TSPEAR: variants seen among roughly 807,000 people sequenced by gnomAD.
TSPEAR encodes the protein thrombospondin-type laminin G domain and EAR repeat-containing protein.
Under a neutral mutation model 71.6 loss-of-function variants are expected in TSPEAR, and 69 were observed. The ratio of observed to expected loss-of-function variants is 0.96; its 90% confidence interval spans 0.79 to 1.18. The LOEUF (loss-of-function observed/expected upper bound fraction) is 1.18. TSPEAR is among the 50% of genes most tolerant of loss of function. The pLI, the probability that TSPEAR is intolerant of heterozygous loss-of-function variation, is 0.00. For missense variants in TSPEAR, 971 were observed against 894.9 expected, an observed-to-expected ratio of 1.09 and a Z score of -1.09; for synonymous variants, 402 against 387.2, an observed-to-expected ratio of 1.04 and a Z score of -0.45.
intron 1 of TSPEAR, among the ~76,000 whole-genome samples, chr21:44,653,534 T>C (rs1601533499): frequency 6.6e-6 from 1 of 152,262 alleles, no homozygotes; most frequent in Non-Finnish European, 1.5e-5. Context: ...AAGCTTTTTT[T>C]ATCAACACCA....
chr21:44,677,317 T>A lies in TSPEAR; in HGVS notation c.82+34116A>T, dbSNP rs1986362625. ...TGCACTGTGTGCCACTTAGCAGACT[T>A]CTTCTTGCCCTCAATCTCAGAATTG... On this transcript the variant is annotated intron_variant, in intron 1 of 11. Transcript: ENST00000323084. 3.7e-6 allele frequency: 4 copies of A among 1,082,702 alleles called. No homozygotes were observed. In the Admixed American group the frequency reaches 5.7e-5, roughly 15 times the overall value. The allele number at this position is 1,082,702 out of a possible 1,614,324, so 67.1% of individuals were successfully genotyped here.
intron 2 of TSPEAR, chr21:44,558,786 T>G (rs587689693): frequency 2.0e-6 from 3 of 1,530,702 alleles, no homozygotes; most frequent in East Asian, 2.3e-5. Flanking sequence ...AGGGAGTGAG[T>G]GAGTGATCGT....
At chr21:44,596,999 T>C (rs1227088513) in intron 1 of TSPEAR, among the ~76,000 whole-genome samples, 1 of 152,196 alleles carries the variant, frequency 6.6e-6, no homozygotes, top group Non-Finnish European at 1.5e-5. Flanking sequence ...ATTAGTTTTA[T>C]CGGTTTTTTA....
intron 2 of TSPEAR, among the ~76,000 whole-genome samples, chr21:44,540,653 A>G (rs1372236114): frequency 1.3e-5 from 2 of 152,242 alleles, no homozygotes; most frequent in African/African-American, 4.8e-5. Flanking sequence ...TCACTGGAGC[A>G]GCCGGAGAGA....
At chr21:44,529,717 G>A in intron 5 of TSPEAR, 81 bp downstream of exon 5, 2 of 1,518,158 alleles carry the variant, frequency 1.3e-6, no homozygotes, top group Non-Finnish European at 1.8e-6. Flanking sequence ...GCTGAGAGCT[G>A]AGCCCTGAGT....
rs587698226 is a variant in TSPEAR, at chr21:44,569,990, C to G, written c.83-1985G>C. ...GGAAAGAATGGGTCTCTAAGTAAAC[C>G]CCATGCACCCTACTGCCCCTCCCCC... On this transcript the variant is annotated intron_variant, in intron 1 of 11. Transcript: ENST00000323084. 8.1e-4 allele frequency among the ~76,000 whole-genome samples: 124 copies of G among 152,194 alleles called. 1 individual carries two copies. The Middle Eastern group carries it at 0.014, about 17-fold the overall frequency.
intron 2 of TSPEAR, 23 bp from the exon 3 acceptor site, chr21:44,533,946 A>C (rs781903500): frequency 3.0e-6 from 4 of 1,329,232 alleles, no homozygotes; most frequent in Admixed American, 1.8e-5. Flanking sequence ...GGCCAGGCTC[A>C]GGACGGGGCT....
In TSPEAR at chr21:44,710,228, C is replaced by T. The variant is rs1327340183; in HGVS notation, c.82+1205G>A. ...GCTGACTTGGCTCTCGTATTGTTTG[C>T]AGAATCACCCAGTTCCAAGGCAGTC... On this transcript the variant is annotated intron_variant, in intron 1 of 11. Coordinates refer to ENST00000323084, the MANE Select transcript of TSPEAR (RefSeq NM_144991.3). This position sits in a 1 kb window ranked among gnomAD's most constrained non-coding sequence, Gnocchi z 4.6. Among the ~76,000 whole-genome samples, 7 of 152,206 alleles carry T rather than the reference C, an allele frequency of 4.6e-5. No homozygotes were observed. The highest frequency in any genetic ancestry group is 1.7e-4 in the African/African-American group (7 of 41,454).
intron 1 of TSPEAR, among the ~76,000 whole-genome samples, chr21:44,657,212 A>G (rs1985202877): frequency 6.6e-6 from 1 of 152,074 alleles, no homozygotes; most frequent in Non-Finnish European, 1.5e-5. Context: ...TCATGCATTC[A>G]TTTCTTCCTT....
chr21:44,671,083 A>C lies in TSPEAR; in HGVS notation c.82+40350T>G, dbSNP rs587764798. On this transcript the variant is annotated intron_variant, in intron 1 of 11. Coordinates refer to ENST00000323084, the MANE Select transcript of TSPEAR (RefSeq NM_144991.3). ...TCTGGGGGCCTGGTGGTCCCCCCCA[A>C]CCCATTCTACCAATGCCAGCCATCT... is the stretch of plus-strand genomic sequence containing the variant. 8.3e-4 allele frequency among the ~76,000 whole-genome samples: 127 copies of C among 152,106 alleles called. 2 individuals are homozygous for C. In the South Asian group the frequency reaches 0.011, roughly 13 times the overall value.
Position 44,612,301 on chromosome 21 carries a change from C to T in TSPEAR, c.83-44296G>A. 2 of 1,613,638 alleles carry T rather than the reference C, an allele frequency of 1.2e-6. No homozygotes were observed. The highest frequency in any genetic ancestry group is 1.7e-6 in the Non-Finnish European group (2 of 1,179,986). On this transcript the variant is annotated intron_variant, in intron 1 of 11. Coordinates refer to ENST00000323084, the MANE Select transcript of TSPEAR (RefSeq NM_144991.3). The surrounding 1 kb of genome is among the most constrained non-coding windows in gnomAD (Gnocchi z 4.1). ...GCTGCTGTACCCCTAGCTGCTGTGC[C>T]CCAGCCCCCTGCCTGGCCCTGGTCT...
At chr21:44,575,111 C>T in intron 1 of TSPEAR, 2 of 1,168,108 alleles carry the variant, frequency 1.7e-6, no homozygotes, top group South Asian at 3.0e-5. Flanking sequence ...GCACTTTGAC[C>T]ATTTCCTGGT....
At chr21:44,569,512 A>G (rs1321689208) in intron 1 of TSPEAR, among the ~76,000 whole-genome samples, 1 of 152,116 alleles carries the variant, frequency 6.6e-6, no homozygotes, top group African/African-American at 2.4e-5. Flanking sequence ...AAGGATGCAG[A>G]GGGTCCTGGC....
chr21:44,655,781 C>T (rs1374192697), intron 1 of TSPEAR, among the ~76,000 whole-genome samples: 15 of 152,086 alleles, frequency 9.9e-5, no homozygotes, highest in Non-Finnish European at 1.3e-4. Flanking sequence ...TGGTGTCACA[C>T]GGTGGGGGAT....
At chr21:44,515,617 T>C (rs987924729) in intron 9 of TSPEAR, 1 of 152,274 alleles carries the variant, frequency 6.6e-6, no homozygotes, top group Non-Finnish European at 1.5e-5. Flanking sequence ...TGCCCGTGCA[T>C]CTCCAGGACC....
chr21:44,677,862 A>G (rs1986392980), intron 1 of TSPEAR: 1 of 1,337,848 alleles, frequency 7.5e-7, no homozygotes, highest in South Asian at 1.2e-5. Context: ...GGTTTTCTCT[A>G]CTCTTTCTCG....
At chr21:44,518,557 C>T (rs1187138658) in intron 9 of TSPEAR, 2 of 441,204 alleles carry the variant, frequency 4.5e-6, no homozygotes, top group Non-Finnish European at 9.6e-6. Context: ...GCAGCCTCTC[C>T]GTGGCACAAC....
chr21:44,635,565 A>G (rs1983507268), intron 1 of TSPEAR, among the ~76,000 whole-genome samples: 1 of 152,296 alleles, frequency 6.6e-6, no homozygotes, highest in East Asian at 1.9e-4. Flanking sequence ...AGCTAGACAC[A>G]AAGACCACAT....
chr21:44,597,707 C>T (rs408516), intron 1 of TSPEAR, among the ~76,000 whole-genome samples: 17,498 of 152,082 alleles, frequency 0.12, 1,552 homozygotes, highest in African/African-American at 0.24. Flanking sequence ...GCTGGGATTA[C>T]AGGTGCGAGC....
Sources: gnomAD v4.1 joint callset for allele counts (sites outside exome capture counted in the v4.1 genomes callset) on GRCh38, gnomAD v4.1.1 for gene constraint, Gnocchi (gnomAD v3.1) non-coding constraint, MANE v1.5 for transcripts, NCBI Gene and HGNC (gene_info 2026-07-23, HGNC 2026-07-21) for gene names.